SPAG16: variants seen among roughly 807,000 people sequenced by gnomAD.
SPAG16 encodes sperm-associated antigen 16 protein.
SPAG16 carries 86 observed loss-of-function variants against 80.4 expected under a neutral mutation model. That is an observed-to-expected ratio of 1.07 (90% confidence interval 0.90 to 1.28). The LOEUF (loss-of-function observed/expected upper bound fraction) is 1.28. Among genes scored for constraint, SPAG16 ranks in the 50% most tolerant of loss-of-function variants. SPAG16 has a pLI of 0.00. For missense variants in SPAG16, 870 were observed against 765.3 expected (o/e 1.14, Z -1.61); for synonymous variants, 294 against 265.9 (o/e 1.11, Z -1.03).
chr2:213,415,793 G>A (rs192848757), intron 9 of SPAG16, among the ~76,000 whole-genome samples: 3 of 152,096 alleles, frequency 2.0e-5, no homozygotes, highest in South Asian at 2.1e-4. Flanking sequence ...GTTAACTGTC[G>A]TACACAGAAC....
At chr2:213,537,882 C>T (rs1195231590) in intron 10 of SPAG16, among the ~76,000 whole-genome samples, 1 of 152,158 alleles carries the variant, frequency 6.6e-6, no homozygotes, top group African/African-American at 2.4e-5. Flanking sequence ...TACTTGGCAG[C>T]AGACCTTTCT....
intron 9 of SPAG16, among the ~76,000 whole-genome samples, chr2:213,426,754 GGTGTGTGTGTGT>G (rs148203065): frequency 7.1e-6 from 1 of 140,544 alleles, no homozygotes; most frequent in South Asian, 2.3e-4. Context: ...GCATAAATCT[GGTGTGTGTGTGT>G]GTGTGTGTGT....
At chr2:213,615,326 C>T (rs2061556707) in intron 10 of SPAG16, among the ~76,000 whole-genome samples, 1 of 152,254 alleles carries the variant, frequency 6.6e-6, no homozygotes, top group Non-Finnish European at 1.5e-5. Flanking sequence ...GGTACGGTGG[C>T]TCACGCCTGT....
chr2:213,434,449 A>G (rs561251397), intron 9 of SPAG16, among the ~76,000 whole-genome samples: 1 of 152,182 alleles, frequency 6.6e-6, no homozygotes, highest in Non-Finnish European at 1.5e-5. Context: ...CACAAGTAAT[A>G]AAAACAAAAA....
At chr2:214,095,174 A>G (rs901763093) in intron 13 of SPAG16, among the ~76,000 whole-genome samples, 1 of 152,044 alleles carries the variant, frequency 6.6e-6, no homozygotes, top group African/African-American at 2.4e-5. Context: ...AGCGTTTATC[A>G]AAGTCCCTAC....
intron 15 of SPAG16, among the ~76,000 whole-genome samples, chr2:214,377,222 G>A (rs1349160438): frequency 2.0e-5 from 3 of 152,052 alleles, no homozygotes; most frequent in South Asian, 2.1e-4. Context: ...GATGTCTCCC[G>A]GTTCCAGTGT....
intron 10 of SPAG16, among the ~76,000 whole-genome samples, chr2:213,781,331 A>C (rs2069950573): frequency 6.6e-6 from 1 of 152,196 alleles, no homozygotes; most frequent in South Asian, 2.1e-4. Context: ...ATGAGAAATA[A>C]TTTGCTTTTT....
At chr2:213,609,336 A>T (rs974729772) in intron 10 of SPAG16, among the ~76,000 whole-genome samples, 1 of 152,114 alleles carries the variant, frequency 6.6e-6, no homozygotes, top group African/African-American at 2.4e-5. Context: ...AGCAATGGTA[A>T]CCTCTTTGAC....
intron 15 of SPAG16, among the ~76,000 whole-genome samples, chr2:214,380,655 C>T (rs1700396316): frequency 6.6e-6 from 1 of 152,168 alleles, no homozygotes; most frequent in Admixed American, 6.5e-5. Flanking sequence ...CAGAGCATAT[C>T]TTCAAAATGA....
At chr2:213,777,413 A>AT (rs947433558) in intron 10 of SPAG16, among the ~76,000 whole-genome samples, 101 of 142,984 alleles carry the variant, frequency 7.1e-4, no homozygotes, top group African/African-American at 1.3e-3. Flanking sequence ...CGCCCAACTA[A>AT]TTTTTTTTTT....
intron 15 of SPAG16, among the ~76,000 whole-genome samples, chr2:214,295,064 T>C (rs1694040611): frequency 1.3e-5 from 2 of 152,178 alleles, no homozygotes; most frequent in Admixed American, 6.5e-5. Context: ...CCATTGATCA[T>C]TTGGAGAGGT....
At chr2:214,410,079 G>A (rs913560666) in intron 15 of SPAG16, 61 bp from the exon 16 acceptor site, 6 of 1,581,434 alleles carry the variant, frequency 3.8e-6, no homozygotes, top group Non-Finnish European at 5.2e-6. Flanking sequence ...CTTATAAACT[G>A]TGAACACTTG....
intron 15 of SPAG16, among the ~76,000 whole-genome samples, chr2:214,191,522 G>A (rs1254549527): frequency 3.3e-5 from 5 of 151,848 alleles, no homozygotes; most frequent in Admixed American, 6.6e-5. Context: ...AGACCAGCTT[G>A]ACCAATGTAG....
intron 11 of SPAG16, among the ~76,000 whole-genome samples, chr2:213,914,787 T>G (rs904770329): frequency 6.6e-6 from 1 of 152,210 alleles, no homozygotes; most frequent in African/African-American, 2.4e-5. Flanking sequence ...TATGTCTTCT[T>G]TTGGAAAGAG....
chr2:214,161,596 G>A (rs1020007054), intron 15 of SPAG16, among the ~76,000 whole-genome samples: 6 of 152,078 alleles, frequency 3.9e-5, no homozygotes, highest in South Asian at 2.1e-4. Flanking sequence ...TGGCATGACT[G>A]TCTTTTTTGG....
intron 14 of SPAG16, among the ~76,000 whole-genome samples, chr2:214,148,453 A>G (rs2055773722): frequency 6.6e-6 from 1 of 151,988 alleles, no homozygotes; most frequent in East Asian, 1.9e-4. Context: ...CCTTTATCCA[A>G]TTACCTTCTT....
intron 9 of SPAG16, among the ~76,000 whole-genome samples, chr2:213,432,359 A>G (rs924854249): frequency 6.6e-6 from 1 of 152,136 alleles, no homozygotes; most frequent in African/African-American, 2.4e-5. Context: ...TAACCAAGAA[A>G]AGAAGTGAGA....
chr2:214,053,293 T>C (rs71428315), intron 13 of SPAG16, among the ~76,000 whole-genome samples: 21,493 of 152,240 alleles, frequency 0.14, 1,616 homozygotes, highest in Non-Finnish European at 0.16. Flanking sequence ...TTAAATCTTC[T>C]TAACTAGAAC....
chr2:214,050,899 G>A (rs2049607412), intron 13 of SPAG16, among the ~76,000 whole-genome samples: 1 of 152,168 alleles, frequency 6.6e-6, no homozygotes, highest in Non-Finnish European at 1.5e-5. Context: ...AACCATGACA[G>A]TCCCTGGTAG....
Sources: allele counts gnomAD v4.1 joint callset (sites outside exome capture counted in the v4.1 genomes callset), GRCh38; gene constraint gnomAD v4.1.1; transcripts MANE v1.5; gene names NCBI Gene and HGNC (gene_info 2026-07-23, HGNC 2026-07-21).